The following LIPE variants were observed in gnomAD, a reference collection of about 807,000 sequenced individuals.
The protein encoded by LIPE is hormone-sensitive lipase.
A neutral mutation model predicts 88.5 loss-of-function variants in LIPE; 66 were observed. That is an observed-to-expected ratio of 0.75 (90% CI 0.61 to 0.91). The LOEUF is 0.91. LIPE is among the 40% of genes least tolerant of loss of function. The pLI is 0.00. For synonymous variants in LIPE, 570 were observed against 617.5 expected, an observed-to-expected ratio of 0.92 and a Z score of 1.14; for missense variants, 1,346 against 1,434.7, an observed-to-expected ratio of 0.94 and a Z score of 1.00.
chr19:42,405,974 TCTCACACACACACACA>T lies in LIPE; in HGVS notation c.2365+171_2365+186del, dbSNP rs1414320700. On this transcript the variant is annotated intron_variant, in intron 7 of 9. Transcript: ENST00000244289. ...TTGTGTCTGTCTGTCTCTCTCTCTC[TCTCACACACACACACA>T]CACACACACACACACACACACACAC... 14 of 481,850 alleles carry T rather than the reference TCTCACACACACACACA, an allele frequency of 2.9e-5. No homozygotes were observed. The African/African-American group carries it at 2.9e-4, about 10-fold the overall frequency. 29.8% of individuals were successfully genotyped at this position (481,850 alleles called of 1,614,324 possible).
chr19:42,406,435 GC>G lies in LIPE; in HGVS notation c.2138-48del, dbSNP rs1568598837. 4 of 1,541,056 alleles carry G rather than the reference GC, an allele frequency of 2.6e-6. No individual in the cohort carries two copies. The highest frequency in any genetic ancestry group is 3.6e-6 in the Non-Finnish European group (4 of 1,116,676). ...TGGTGACAACCTGGCAGGGGCAGAG[GC>G]CTGGGGAGGAGGGCAGGGAGGAACT... On this transcript the variant is annotated intron_variant, in intron 6 of 9. Coordinates refer to ENST00000244289, the MANE Select transcript of LIPE (RefSeq NM_005357.4). The surrounding 1 kb of genome is among the most constrained non-coding windows in gnomAD (Gnocchi z 5.7).
chr19:42,424,488 C>T (rs1479919131), intron 1 of LIPE: 1 of 456,354 alleles, frequency 2.2e-6, no homozygotes, highest in East Asian at 6.9e-5. Flanking sequence ...GGAGAAACAG[C>T]TTTCTATCCT....
At chr19:42,403,158 G>A in intron 8 of LIPE, 127 bp from the exon 9 acceptor site, 2 of 953,078 alleles carry the variant, frequency 2.1e-6, no homozygotes, top group South Asian at 3.6e-5. Context: ...CCAGACTCTT[G>A]CCTAGGGGAT....
intron 1 of LIPE, among the ~76,000 whole-genome samples, chr19:42,417,431 T>C (rs1365257311): frequency 1.3e-5 from 2 of 152,082 alleles, no homozygotes; most frequent in Non-Finnish European, 2.9e-5. Context: ...GGTTCATTTT[T>C]TTTTTTCCAG....
chr19:42,426,417 C>A lies in LIPE; in HGVS notation c.733G>T (p.Asp245Tyr). 1.9e-6 allele frequency: 3 copies of A among 1,614,138 alleles called. No homozygotes were observed. Among genetic ancestry groups the A allele is most frequent in the Non-Finnish European group, 2.5e-6 (3 of 1,180,020 alleles). Residue 245 changes from aspartate (D) to tyrosine (Y), a missense_variant, in exon 1 of 10, where the codon GAT (aspartate) becomes TAT (tyrosine). Asp to Tyr is a radical substitution (Grantham distance 160, BLOSUM62 -3). Transcript: ENST00000244289. ...ESDVGSSSDTDSPATMGGMVA... is the reference protein window; with the variant it reads ...ESDVGSSSDTYSPATMGGMVA... ...ATTCCACCCATCGTGGCTGGAGAAT[C>A]TGTGTCTGAAGATGATCCCACATCT...
In LIPE at chr19:42,427,027, A is replaced by C; in HGVS notation, c.123T>G (p.Thr41=). The C allele has an allele frequency of 6.2e-7, 1 of 1,613,540 alleles. No homozygotes were observed. Among genetic ancestry groups the C allele is most frequent in the Non-Finnish European group, 8.5e-7 (1 of 1,179,918 alleles). Residue 41 remains threonine (T), a synonymous_variant, in exon 1 of 10, where the codon ACT becomes ACG. Transcript: ENST00000244289. The part of the protein sequence containing the change: ...KTPIAQPESK[T]LQGSNTQQKP... ...TCTGTTGGGTATTGGATCCCTGCAGAGTCTTCGATTCTGGCTGGGCTATGG... is the reference window on the plus strand; with the variant it reads ...TCTGTTGGGTATTGGATCCCTGCAGCGTCTTCGATTCTGGCTGGGCTATGG...
intron 1 of LIPE, among the ~76,000 whole-genome samples, chr19:42,420,440 C>T (rs1321252671): frequency 1.3e-5 from 2 of 152,064 alleles, no homozygotes. Context: ...TTCTCTTGGC[C>T]TGTGAGCTTG....
rs937535611 is a variant in LIPE, at chr19:42,401,823, C to G, written c.3220G>C (p.Gly1074Arg). Reference protein sequence around the residue: ...GAAGVDGGCGGRH With the variant: ...GAAGVDGGCGRRH The stretch of plus-strand genomic sequence containing the variant: ...GGAACAACAGGCTTTTAGTGTCGCC[C>G]CCCGCAGCCCCCGTCTACCCCCGCA... Residue 1074 changes from glycine to arginine, a missense_variant, in exon 10 of 10, where the codon GGG becomes CGG. By Grantham distance (125) the Gly-to-Arg change is moderately radical. Coordinates refer to ENST00000244289, the MANE Select transcript of LIPE (RefSeq NM_005357.4). 1 of 1,479,636 alleles carries G rather than the reference C, an allele frequency of 6.8e-7. No homozygotes were observed. The highest frequency in any genetic ancestry group is 1.4e-5 in the African/African-American group (1 of 69,240). 91.7% of individuals were successfully genotyped at this position (1,479,636 alleles called of 1,614,324 possible). A position where few individuals can be genotyped will look rare whatever the true frequency, so the allele number is the denominator to read the frequency against.
In LIPE at chr19:42,402,016, G is replaced by C. The variant is rs768404166; in HGVS notation, c.3027C>G (p.Asn1009Lys). The change falls in exon 10 of 10, where the codon AAC becomes AAG. Residue 1009 changes from asparagine to lysine, a missense_variant. Asn to Lys is a moderately conservative substitution (Grantham distance 94). Transcript: ENST00000244289. ...CGCGCAGCGTCACCGGCTGGCCCAG[G>C]TTGCGCAGTCGCCGCGCGAGCATGA... ...DSVMLARRLR[N>K]LGQPVTLRVV... 1.3e-6 allele frequency: 2 copies of C among 1,543,360 alleles called. No individual in the cohort carries two copies. Among genetic ancestry groups the C allele is most frequent in the South Asian group, 2.4e-5 (2 of 83,308 alleles).
chr19:42,402,878 T>C lies in LIPE; in HGVS notation c.2696A>G (p.Glu899Gly), dbSNP rs966347727. ...SDTPEMSLSA[E>G]TLSPSTPSDV... ...GGAGGGTGTGGAGGGGCTAAGTGTC[T>C]CAGCTGACAGCGACATCTCGGGGGT... is the stretch of plus-strand genomic sequence containing the variant. Residue 899 changes from glutamate to glycine, a missense_variant, in exon 9 of 10, where the codon GAG becomes GGG. Physicochemically the swap from Glu to Gly is moderately conservative, Grantham distance 98. Coordinates refer to ENST00000244289, the MANE Select transcript of LIPE (RefSeq NM_005357.4). 1.1e-5 allele frequency: 17 copies of C among 1,613,664 alleles called. No individual in the cohort carries two copies. The highest frequency in any genetic ancestry group is 1.4e-5 in the Non-Finnish European group (17 of 1,179,976).
At chr19:42,403,131 T>G in intron 8 of LIPE, 100 bp from the exon 9 acceptor site, 1 of 1,195,730 alleles carries the variant, frequency 8.4e-7, no homozygotes, top group South Asian at 1.6e-5. Context: ...TGGAGCGCTG[T>G]GAAAGGCTGT....
chr19:42,413,927 C>T lies in LIPE; in HGVS notation c.884-3085G>A, dbSNP rs140796756. Among the ~76,000 whole-genome samples the T allele has an allele frequency of 8.4e-3, 1,276 of 152,258 alleles. 6 individuals are homozygous for T. The highest frequency in any genetic ancestry group is 0.012 in the Non-Finnish European group (844 of 68,018). ...GAGGACGGCCCCTCCCCAGGGCTGG[C>T]AGACAGATGGATAGACAGAGGCCTC... On this transcript the variant is annotated intron_variant, in intron 1 of 9. Coordinates refer to ENST00000244289, the MANE Select transcript of LIPE (RefSeq NM_005357.4).
Position 42,412,144 on chromosome 19 carries a change from A to C in LIPE, c.884-1302T>G, listed in dbSNP as rs1236753211. 8.8e-5 allele frequency: 34 copies of C among 384,656 alleles called. No homozygotes were observed. In the Admixed American group the frequency reaches 2.2e-3, roughly 25 times the overall value. 23.8% of individuals were successfully genotyped at this position (384,656 alleles called of 1,614,324 possible). ...CCAGTCCCCAGTGATCTTTCCTCTGATATCCTTTCCCAGCCATTCAGGCTG... is the reference window on the plus strand; with the variant it reads ...CCAGTCCCCAGTGATCTTTCCTCTGCTATCCTTTCCCAGCCATTCAGGCTG... On this transcript the variant is annotated intron_variant, in intron 1 of 9. Transcript: ENST00000244289.
chr19:42,412,266 C>T, intron 1 of LIPE: 3 of 985,596 alleles, frequency 3.0e-6, no homozygotes, highest in Non-Finnish European at 3.6e-6. Context: ...CAAAGCCCAG[C>T]ACCTTGCCTG....
chr19:42,421,412 A>G (rs910116294), intron 1 of LIPE, among the ~76,000 whole-genome samples: 4 of 152,060 alleles, frequency 2.6e-5, no homozygotes, highest in African/African-American at 4.8e-5. Flanking sequence ...TCTCAATTCT[A>G]TCTTCCCAGG....
chr19:42,421,185 C>T (rs998379495), intron 1 of LIPE, among the ~76,000 whole-genome samples: 4 of 152,180 alleles, frequency 2.6e-5, no homozygotes, highest in Non-Finnish European at 5.9e-5. Flanking sequence ...AGGTGTGAGC[C>T]GCTGTACCCA....
intron 1 of LIPE, among the ~76,000 whole-genome samples, chr19:42,418,045 C>T (rs988530090): frequency 1.3e-5 from 2 of 150,946 alleles, no homozygotes; most frequent in African/African-American, 2.4e-5. Context: ...TGCAATGGTG[C>T]GATCTCAGCT....
chr19:42,401,845 C>A lies in LIPE; in HGVS notation c.3198G>T (p.Ala1066=). 6.6e-7 allele frequency: 1 copy of A among 1,517,912 alleles called. No homozygotes were observed. Among genetic ancestry groups the A allele is most frequent in the Non-Finnish European group, 8.8e-7 (1 of 1,136,724 alleles). The allele number at this position is 1,517,912 out of a possible 1,614,324, so 94.0% of individuals were successfully genotyped here. A position where few individuals can be genotyped will look rare whatever the true frequency, so the allele number is the denominator to read the frequency against. Residue 1066 remains alanine, a synonymous_variant, in exon 10 of 10, where the codon GCG becomes GCT. Transcript: ENST00000244289. ...GCCCCCCGCAGCCCCCGTCTACCCC[C>A]GCAGCCCCCGTCTCCCCGCTCGGCC... ...GAGPSGETGA[A]GVDGGCGGRH is the part of the protein sequence containing the mutation.
In LIPE at chr19:42,406,088, G is replaced by A; in HGVS notation, c.2365+73C>T. On this transcript the variant is annotated intron_variant, in intron 7 of 9. Coordinates refer to ENST00000244289, the MANE Select transcript of LIPE (RefSeq NM_005357.4). This position sits in a 1 kb window ranked among gnomAD's most constrained non-coding sequence, Gnocchi z 5.7. ...CTCCTTCCTCAGTCACAGGAGTCCTGGTCCCCAGCCCGTCCCTGCAGGAGT... is the reference window on the plus strand; with the variant it reads ...CTCCTTCCTCAGTCACAGGAGTCCTAGTCCCCAGCCCGTCCCTGCAGGAGT... The A allele has an allele frequency of 7.4e-7, 1 of 1,350,276 alleles. No individual in the cohort carries two copies. The highest frequency in any genetic ancestry group is 1.0e-6 in the Non-Finnish European group (1 of 970,456). The allele number at this position is 1,350,276 out of a possible 1,614,324, so 83.6% of individuals were successfully genotyped here. A position where few individuals can be genotyped will look rare whatever the true frequency, so the allele number is the denominator to read the frequency against.
Sources: gnomAD v4.1 joint callset for allele counts (sites outside exome capture counted in the v4.1 genomes callset) on GRCh38, gnomAD v4.1.1 for gene constraint, Gnocchi (gnomAD v3.1) non-coding constraint, MANE v1.5 for transcripts, NCBI Gene and HGNC (gene_info 2026-07-23, HGNC 2026-07-21) for gene names.